MAGI2: variants seen among roughly 807,000 people sequenced by gnomAD.
The protein encoded by MAGI2 is membrane-associated guanylate kinase, WW and PDZ domain-containing protein 2.
MAGI2 carries 35 observed loss-of-function variants against 133.3 expected under a neutral mutation model. That is an observed-to-expected ratio of 0.26 (90% CI 0.20 to 0.35). MAGI2 has a LOEUF of 0.35. Ranked by LOEUF, MAGI2 falls within the 10% of genes least tolerant of loss-of-function variation. MAGI2 has a pLI of 1.00. For missense variants in MAGI2, 1,636 were observed against 1,863.4 expected, an observed-to-expected ratio of 0.88 and a Z score of 2.25; for synonymous variants, 729 against 710.6, an observed-to-expected ratio of 1.03 and a Z score of -0.41.
chr7:78,374,201 T>C (rs983465622), intron 6 of MAGI2, among the ~76,000 whole-genome samples: 3 of 152,212 alleles, frequency 2.0e-5, no homozygotes, highest in Admixed American at 2.0e-4. Context: ...AGTGTTCCCC[T>C]TTCTCTGCAG....
chr7:79,425,802 G>A (rs34931968), intron 1 of MAGI2, among the ~76,000 whole-genome samples: 1 of 151,690 alleles, frequency 6.6e-6, no homozygotes, highest in Non-Finnish European at 1.5e-5. Context: ...GAGGAAAAGA[G>A]GGGGAGAAAG....
Position 78,635,182 on chromosome 7 carries a change from G to A in MAGI2, c.419-7943C>T, listed in dbSNP as rs541236424. Among the ~76,000 whole-genome samples, 4 of 152,320 alleles carry A rather than the reference G, an allele frequency of 2.6e-5. No homozygotes were observed. The South Asian group carries it at 8.3e-4, about 32-fold the overall frequency. Reference sequence around the variant, plus strand: ...CAAATGGTTAGCTTATTGATACACAGTGAAGTCACATGGAAGCGACTTGTC... The same window carrying A: ...CAAATGGTTAGCTTATTGATACACAATGAAGTCACATGGAAGCGACTTGTC... On this transcript the variant is annotated intron_variant, in intron 2 of 21. Transcript: ENST00000354212.
chr7:79,292,619 T>C (rs1257679124), intron 1 of MAGI2, among the ~76,000 whole-genome samples: 1 of 150,502 alleles, frequency 6.6e-6, no homozygotes, highest in African/African-American at 2.4e-5. Flanking sequence ...GGTGACAGAG[T>C]GAGACCCTGC....
intron 3 of MAGI2, among the ~76,000 whole-genome samples, chr7:78,539,463 G>C (rs1017376211): frequency 4.0e-5 from 6 of 149,166 alleles, no homozygotes; most frequent in African/African-American, 1.5e-4. Context: ...AGGGATATTG[G>C]TCTGTAGTTT....
chr7:79,407,650 C>T (rs781369076), intron 1 of MAGI2, among the ~76,000 whole-genome samples: 11 of 152,066 alleles, frequency 7.2e-5, no homozygotes, highest in Non-Finnish European at 1.2e-4. Flanking sequence ...AGTTGTAAGG[C>T]CTTTCCCAAT....
chr7:78,655,454 CAAAAA>C, intron 2 of MAGI2, among the ~76,000 whole-genome samples: 75 of 64,948 alleles, frequency 1.2e-3, no homozygotes, highest in African/African-American at 3.6e-3. Context: ...AAAAAACAAC[CAAAAA>C]AAAAAAAAAA....
At chr7:78,609,235 T>G (rs546418728) in intron 3 of MAGI2, among the ~76,000 whole-genome samples, 1 of 152,314 alleles carries the variant, frequency 6.6e-6, no homozygotes, top group South Asian at 2.1e-4. Context: ...GATCAATGCT[T>G]TGCATCCTTC....
chr7:78,658,022 T>A (rs1812497038), intron 2 of MAGI2, among the ~76,000 whole-genome samples: 1 of 152,314 alleles, frequency 6.6e-6, no homozygotes, highest in South Asian at 2.1e-4. Flanking sequence ...AAGTGCTCAT[T>A]CCTTTTCTAT....
intron 2 of MAGI2, among the ~76,000 whole-genome samples, chr7:78,812,329 C>T (rs1789141061): frequency 6.6e-6 from 1 of 152,146 alleles, no homozygotes; most frequent in South Asian, 2.1e-4. Flanking sequence ...GTGGTAGAAA[C>T]TACATGTAGC....
intron 20 of MAGI2, among the ~76,000 whole-genome samples, chr7:78,098,849 G>C (rs554579183): frequency 6.6e-6 from 1 of 152,022 alleles, no homozygotes; most frequent in Admixed American, 6.6e-5. Context: ...TTCCTGATAC[G>C]GAGTATGTTT....
chr7:78,321,410 A>G (rs529816881), intron 9 of MAGI2, among the ~76,000 whole-genome samples: 10 of 152,194 alleles, frequency 6.6e-5, no homozygotes, highest in Non-Finnish European at 1.0e-4. Flanking sequence ...TGATACTGGT[A>G]CCAAAACAGA....
chr7:78,326,957 T>G (rs1179989677), intron 9 of MAGI2, among the ~76,000 whole-genome samples: 2 of 152,116 alleles, frequency 1.3e-5, no homozygotes, highest in Non-Finnish European at 2.9e-5. Context: ...TGGTTGCAAT[T>G]GTATGCTTTT....
chr7:79,402,830 T>C (rs1764254635), intron 1 of MAGI2, among the ~76,000 whole-genome samples: 1 of 152,262 alleles, frequency 6.6e-6, no homozygotes, highest in South Asian at 2.1e-4. Flanking sequence ...TGACTTACAG[T>C]ACTCTATAAA....
At chr7:78,258,583 A>G (rs1339659596) in intron 9 of MAGI2, among the ~76,000 whole-genome samples, 1 of 152,114 alleles carries the variant, frequency 6.6e-6, no homozygotes, top group Non-Finnish European at 1.5e-5. Flanking sequence ...TTTATAATTT[A>G]TATCATATCT....
chr7:79,282,874 A>G (rs1170870968), intron 1 of MAGI2, among the ~76,000 whole-genome samples: 1 of 149,800 alleles, frequency 6.7e-6, no homozygotes, highest in African/African-American at 2.4e-5. Flanking sequence ...TCAACTACAA[A>G]CTTCTGACTA....
chr7:79,248,304 G>A (rs1832964559), intron 1 of MAGI2, among the ~76,000 whole-genome samples: 1 of 152,098 alleles, frequency 6.6e-6, no homozygotes, highest in South Asian at 2.1e-4. Flanking sequence ...GGTCAATTCA[G>A]TAAGAGGTAA....
At chr7:79,108,901 TTC>T (rs1405049267) in intron 1 of MAGI2, among the ~76,000 whole-genome samples, 1 of 152,174 alleles carries the variant, frequency 6.6e-6, no homozygotes, top group Non-Finnish European at 1.5e-5. Flanking sequence ...ATGCCCCCTA[TTC>T]TCTCTTTGGC....
At chr7:78,322,171 A>C (rs1031369860) in intron 9 of MAGI2, among the ~76,000 whole-genome samples, 4 of 152,174 alleles carry the variant, frequency 2.6e-5, no homozygotes, top group African/African-American at 9.7e-5. Flanking sequence ...TAGGAGTGTA[A>C]ATTAGTTCAA....
intron 2 of MAGI2, among the ~76,000 whole-genome samples, chr7:78,639,669 T>C (rs1288114625): frequency 1.3e-5 from 2 of 152,152 alleles, no homozygotes; most frequent in Admixed American, 6.6e-5. Context: ...AACAGAAATA[T>C]ACTCGGCTAT....
Sources: allele counts gnomAD v4.1 joint callset (sites outside exome capture counted in the v4.1 genomes callset), GRCh38; gene constraint gnomAD v4.1.1; transcripts MANE v1.5; gene names NCBI Gene and HGNC (gene_info 2026-07-23, HGNC 2026-07-21).